CEP112: variants seen among roughly 807,000 people sequenced by gnomAD.
CEP112 encodes the protein centrosomal protein of 112 kDa.
A neutral mutation model predicts 153.0 loss-of-function variants in CEP112; 127 were observed. The observed-to-expected ratio is 0.83, with a 90% CI of 0.72 to 0.96. The LOEUF is 0.96. Ranked by LOEUF, CEP112 falls within the 40% of genes least tolerant of loss-of-function variation. The pLI, the probability that CEP112 is intolerant of heterozygous loss-of-function variation, is 0.00. For synonymous variants in CEP112, 358 were observed against 374.4 expected (o/e 0.96, Z 0.51); for missense variants, 1,089 against 1,101.2 (o/e 0.99, Z 0.16).
chr17:65,916,289 G>GTGTGTGTA (rs777844271), intron 19 of CEP112, among the ~76,000 whole-genome samples: 389 of 147,284 alleles, frequency 2.6e-3, no homozygotes, highest in African/African-American at 3.9e-3. Flanking sequence ...GTGTGTGTGT[G>GTGTGTGTA]TGTATGTGTG....
intron 17 of CEP112, among the ~76,000 whole-genome samples, chr17:66,001,323 T>G (rs2064038743): frequency 6.6e-6 from 1 of 152,218 alleles, no homozygotes; most frequent in Non-Finnish European, 1.5e-5. Context: ...TAAATTTAAG[T>G]TCCTTATAGA....
intron 21 of CEP112, among the ~76,000 whole-genome samples, chr17:65,835,493 C>T (rs1029172795): frequency 6.6e-6 from 1 of 152,122 alleles, no homozygotes; most frequent in South Asian, 2.1e-4. Context: ...AGCCCCAATA[C>T]GGCTTTCAAT....
chr17:66,096,477 T>C (rs2146280475), intron 7 of CEP112, 108 bp downstream of exon 7: 2 of 1,150,962 alleles, frequency 1.7e-6, no homozygotes, highest in East Asian at 2.4e-5. Context: ...ATTCAAAAAC[T>C]ATTATGTTTC....
At chr17:65,978,145 C>T (rs2063103537) in intron 17 of CEP112, among the ~76,000 whole-genome samples, 1 of 151,330 alleles carries the variant, frequency 6.6e-6, no homozygotes, top group Non-Finnish European at 1.5e-5. Flanking sequence ...TAGTCTCAGC[C>T]ACCTGGGAGG....
intron 21 of CEP112, among the ~76,000 whole-genome samples, chr17:65,836,974 C>T (rs962532332): frequency 3.3e-5 from 5 of 152,202 alleles, no homozygotes; most frequent in African/African-American, 7.2e-5. Flanking sequence ...GACTGGTTTT[C>T]GTATTTTTTT....
chr17:66,185,892 T>C (rs1055176538), intron 1 of CEP112, among the ~76,000 whole-genome samples: 2 of 152,192 alleles, frequency 1.3e-5, no homozygotes, highest in Admixed American at 1.3e-4. Context: ...GTTTCCATCA[T>C]TTCATCATTA....
intron 21 of CEP112, among the ~76,000 whole-genome samples, chr17:65,758,890 A>G (rs930984965): frequency 6.6e-6 from 1 of 152,202 alleles, no homozygotes; most frequent in African/African-American, 2.4e-5. Context: ...GAACCAGAGC[A>G]ACTCCATCTT....
chr17:66,181,844 G>C (rs1235070765), intron 2 of CEP112: 1 of 152,120 alleles, frequency 6.6e-6, no homozygotes, highest in African/African-American at 2.4e-5. Flanking sequence ...TCATGAACAA[G>C]TCATAGGACA....
rs139184371 is a variant in CEP112, at chr17:66,187,638, T to C, written c.-8-4331A>G. Among the ~76,000 whole-genome samples the C allele has an allele frequency of 5.4e-3, 816 of 152,324 alleles. 10 individuals carry two copies. Among genetic ancestry groups the C allele is most frequent in the Non-Finnish European group, 5.4e-3 (370 of 68,042 alleles). ...AGTCAATATGGACTCTCCAGTGCTC[T>C]TTCCTTAGTCTCCTTTTGATCTGAC... On this transcript the variant is annotated intron_variant, in intron 1 of 26. Transcript: ENST00000535342.
intron 16 of CEP112, 103 bp from the exon 17 acceptor site, chr17:66,005,872 T>G: frequency 1.0e-6 from 1 of 981,350 alleles, no homozygotes; most frequent in Non-Finnish European, 1.4e-6. Flanking sequence ...ATTTTTAATA[T>G]AAAATTAGAT....
chr17:66,071,216 A>G (rs925813841), intron 8 of CEP112, among the ~76,000 whole-genome samples: 6 of 152,182 alleles, frequency 3.9e-5, no homozygotes, highest in African/African-American at 9.6e-5. Flanking sequence ...AAAAGTTAAC[A>G]TAATACAAAT....
intron 21 of CEP112, among the ~76,000 whole-genome samples, chr17:65,800,880 G>A (rs1022565315): frequency 1.3e-5 from 2 of 152,152 alleles, no homozygotes; most frequent in African/African-American, 2.4e-5. Flanking sequence ...AGCATCAGTG[G>A]TGTTGATCTG....
chr17:66,166,426 G>A (rs766565436), intron 4 of CEP112, among the ~76,000 whole-genome samples: 1 of 152,008 alleles, frequency 6.6e-6, no homozygotes, highest in Non-Finnish European at 1.5e-5. Flanking sequence ...CTGCACTTTG[G>A]TGATAAGCTA....
intron 24 of CEP112, among the ~76,000 whole-genome samples, chr17:65,648,923 C>T (rs1322707531): frequency 1.3e-5 from 2 of 151,984 alleles, no homozygotes; most frequent in Admixed American, 6.6e-5. Flanking sequence ...TGGTGGCAGG[C>T]GCCTGTAATC....
chr17:66,112,686 G>A (rs2069112615), intron 6 of CEP112, among the ~76,000 whole-genome samples: 1 of 152,178 alleles, frequency 6.6e-6, no homozygotes, highest in Non-Finnish European at 1.5e-5. Context: ...GCTCACGCCT[G>A]TAATCTCAGC....
intron 6 of CEP112, among the ~76,000 whole-genome samples, chr17:66,122,356 A>G (rs1172782184): frequency 6.6e-6 from 1 of 152,110 alleles, no homozygotes; most frequent in East Asian, 1.9e-4. Context: ...GTTTCTTTGC[A>G]TGTCTTATAA....
chr17:65,720,103 G>C (rs2049780766), intron 23 of CEP112, among the ~76,000 whole-genome samples: 1 of 152,320 alleles, frequency 6.6e-6, no homozygotes, highest in Non-Finnish European at 1.5e-5. Context: ...GAAAGGAAGG[G>C]TTGGATCAAA....
chr17:66,109,179 G>A (rs2068910881), intron 6 of CEP112, among the ~76,000 whole-genome samples: 1 of 152,136 alleles, frequency 6.6e-6, no homozygotes, highest in South Asian at 2.1e-4. Context: ...TCGTTAGAGA[G>A]AATGAATAAG....
intron 18 of CEP112, among the ~76,000 whole-genome samples, chr17:65,930,777 C>T (rs865896448): frequency 2.6e-5 from 4 of 152,168 alleles, no homozygotes; most frequent in Non-Finnish European, 5.9e-5. Flanking sequence ...CTCCAGTACC[C>T]TTGATATTTT....
Sources: allele counts gnomAD v4.1 joint callset (sites outside exome capture counted in the v4.1 genomes callset), GRCh38; gene constraint gnomAD v4.1.1; transcripts MANE v1.5; gene names NCBI Gene and HGNC (gene_info 2026-07-23, HGNC 2026-07-21).